ANKS1B: variants seen among roughly 807,000 people sequenced by gnomAD.
The protein encoded by ANKS1B is ankyrin repeat and sterile alpha motif domain containing 1B, also known as ankyrin repeat and sterile alpha motif domain-containing protein 1B.
ANKS1B carries 36 observed loss-of-function variants against 148.3 expected under a neutral mutation model. That is an observed-to-expected ratio of 0.24 (90% CI 0.19 to 0.32). ANKS1B has a LOEUF of 0.32. Among genes scored for constraint, ANKS1B ranks in the 10% least tolerant of loss-of-function variants. The pLI is 1.00. For synonymous variants in ANKS1B, 542 were observed against 560.8 expected (o/e 0.97, Z 0.47); for missense variants, 1,157 against 1,542.6 (o/e 0.75, Z 4.19).
chr12:99,717,170 G>A (rs1047510587), intron 8 of ANKS1B, among the ~76,000 whole-genome samples: 7 of 152,200 alleles, frequency 4.6e-5, no homozygotes, highest in African/African-American at 7.2e-5. Flanking sequence ...TCAAAAGGCT[G>A]TCTTATTCTC....
chr12:99,147,671 A>G (rs1404780728), intron 15 of ANKS1B, among the ~76,000 whole-genome samples: 1 of 152,078 alleles, frequency 6.6e-6, no homozygotes, highest in African/African-American at 2.4e-5. Flanking sequence ...CAGCACTGGG[A>G]ACCAGGTAGA....
intron 17 of ANKS1B, among the ~76,000 whole-genome samples, chr12:98,904,639 G>A (rs2099776505): frequency 6.6e-6 from 1 of 152,202 alleles, no homozygotes; most frequent in South Asian, 2.1e-4. Context: ...AGAAGGCAGA[G>A]GAGAGGATCC....
At chr12:99,331,397 T>C (rs1353610553) in intron 12 of ANKS1B, among the ~76,000 whole-genome samples, 5 of 151,978 alleles carry the variant, frequency 3.3e-5, no homozygotes, top group Non-Finnish European at 5.9e-5. Flanking sequence ...TTCCATGATA[T>C]TACATGCTTT....
chr12:99,337,291 G>A (rs531041749), intron 12 of ANKS1B, among the ~76,000 whole-genome samples: 2 of 151,836 alleles, frequency 1.3e-5, no homozygotes, highest in South Asian at 2.1e-4. Context: ...AGAATCTAAT[G>A]CATTCTTTGG....
At chr12:99,112,960 G>T (rs2153704022) in intron 15 of ANKS1B, among the ~76,000 whole-genome samples, 1 of 152,194 alleles carries the variant, frequency 6.6e-6, no homozygotes, top group Admixed American at 6.5e-5. Context: ...AGCACCAAAG[G>T]GCTCACAGAT....
At chr12:99,322,341 C>T (rs189107142) in intron 12 of ANKS1B, among the ~76,000 whole-genome samples, 3 of 151,964 alleles carry the variant, frequency 2.0e-5, no homozygotes, top group Non-Finnish European at 4.4e-5. Context: ...ACAACACACA[C>T]CAATGCCTGT....
chr12:99,442,217 T>G (rs1008857159), intron 11 of ANKS1B, among the ~76,000 whole-genome samples: 1 of 151,836 alleles, frequency 6.6e-6, no homozygotes, highest in African/African-American at 2.4e-5. Context: ...TGTAATGAGA[T>G]GAAGGTGTCA....
At chr12:99,008,491 C>G (rs998605370) in intron 17 of ANKS1B, among the ~76,000 whole-genome samples, 1 of 152,148 alleles carries the variant, frequency 6.6e-6, no homozygotes, top group Non-Finnish European at 1.5e-5. Context: ...GTATTACCAC[C>G]TGCTCCAATC....
At chr12:99,250,009 A>C (rs1205028205) in intron 12 of ANKS1B, among the ~76,000 whole-genome samples, 1 of 152,230 alleles carries the variant, frequency 6.6e-6, no homozygotes, top group Admixed American at 6.5e-5. Context: ...CGCTCTACTC[A>C]TTGATCCGAG....
chr12:98,823,442 A>C (rs767967000), intron 19 of ANKS1B, among the ~76,000 whole-genome samples: 13 of 152,218 alleles, frequency 8.5e-5, no homozygotes, highest in Non-Finnish European at 1.5e-4. Flanking sequence ...TTAAACAAAA[A>C]ATCTGATGTG....
intron 8 of ANKS1B, among the ~76,000 whole-genome samples, chr12:99,733,461 G>C (rs2153571096): frequency 6.6e-6 from 1 of 152,270 alleles, no homozygotes; most frequent in African/African-American, 2.4e-5. Context: ...CATTATTATG[G>C]CAAGAGTTGA....
chr12:99,000,044 A>G (rs970025371), intron 17 of ANKS1B, among the ~76,000 whole-genome samples: 1 of 152,154 alleles, frequency 6.6e-6, no homozygotes, highest in African/African-American at 2.4e-5. Context: ...TTATGTTGGA[A>G]TGTCCAGTAA....
At chr12:99,802,768 C>A (rs531103404) in intron 4 of ANKS1B, among the ~76,000 whole-genome samples, 20 of 152,032 alleles carry the variant, frequency 1.3e-4, no homozygotes, top group Admixed American at 3.9e-4. Context: ...AAAAAATTAG[C>A]CGAGCACATC....
chr12:98,939,874 C>CTT lies in ANKS1B; in HGVS notation c.2779-107740_2779-107739dup, dbSNP rs2099833785. ...AACAAATGTTTTAATTGGTTCTTGA[C>CTT]TTCAGTACTACTGACTTTTTCTCAC... On this transcript the variant is annotated intron_variant, in intron 17 of 26. Transcript: ENST00000683438. Among the ~76,000 whole-genome samples, 10 of 152,348 alleles carry CTT rather than the reference C, an allele frequency of 6.6e-5. No individual in the cohort carries two copies. The South Asian group carries it at 2.1e-3, about 32-fold the overall frequency.
intron 19 of ANKS1B, among the ~76,000 whole-genome samples, chr12:98,815,896 A>C (rs2099135831): frequency 6.6e-6 from 1 of 152,128 alleles, no homozygotes; most frequent in Admixed American, 6.6e-5. Flanking sequence ...TCAGTACTAC[A>C]GCCAAAATGA....
chr12:99,906,246 G>A (rs1452486863), intron 1 of ANKS1B, among the ~76,000 whole-genome samples: 1 of 152,126 alleles, frequency 6.6e-6, no homozygotes, highest in East Asian at 1.9e-4. Flanking sequence ...AAGCAGGACT[G>A]GCAATGAAGA....
chr12:99,778,773 T>C (rs1251574413), intron 6 of ANKS1B, among the ~76,000 whole-genome samples: 3 of 152,172 alleles, frequency 2.0e-5, no homozygotes, highest in South Asian at 2.1e-4. Context: ...ATTTTGGAAA[T>C]AGAGAAGAGA....
intron 10 of ANKS1B, among the ~76,000 whole-genome samples, chr12:99,480,320 T>G (rs2096390480): frequency 6.6e-6 from 1 of 151,870 alleles, no homozygotes; most frequent in African/African-American, 2.4e-5. Flanking sequence ...GTAGGCACAT[T>G]GCCATTTCTT....
intron 9 of ANKS1B, chr12:99,648,612 C>T: frequency 6.2e-7 from 1 of 1,614,088 alleles, no homozygotes; most frequent in Non-Finnish European, 8.5e-7. Context: ...CCACGGGCCG[C>T]TCTTTTTATC....
Sources: gnomAD v4.1 joint callset for allele counts (sites outside exome capture counted in the v4.1 genomes callset) on GRCh38, gnomAD v4.1.1 for gene constraint, MANE v1.5 for transcripts, NCBI Gene and HGNC (gene_info 2026-07-23, HGNC 2026-07-21) for gene names.